Variants in KCND1 observed in about 807,000 individuals in gnomAD.
The protein encoded by KCND1 is A-type voltage-gated potassium channel KCND1.
In KCND1, 11 loss-of-function variants were observed where a neutral mutation model predicts 31.8. The ratio of observed to expected loss-of-function variants is 0.35; its 90% CI spans 0.22 to 0.57. The LOEUF (loss-of-function observed/expected upper bound fraction) is 0.57. Ranked by LOEUF, KCND1 falls within the 20% of genes least tolerant of loss-of-function variation. The pLI, the probability that KCND1 is intolerant of heterozygous loss-of-function variation, is 0.85. For missense variants in KCND1, 471 were observed against 596.8 expected (o/e 0.79, Z 2.20); for synonymous variants, 234 against 248.1 (o/e 0.94, Z 0.53).
intron 4 of KCND1, 41 bp downstream of exon 4, chrX:48,966,537 A>AC (rs2064354437): frequency 4.4e-6 from 5 of 1,124,511 alleles, no homozygotes; most frequent in Non-Finnish European, 4.9e-6. Flanking sequence ...CCGCAGAGGG[A>AC]CCCCCTCTAT....
At chrX:48,964,568 C>T (rs1226519781) in intron 5 of KCND1, among the ~76,000 whole-genome samples, 1 of 108,417 alleles carries the variant, frequency 9.2e-6, no homozygotes, top group East Asian at 2.9e-4. Flanking sequence ...ATATAAAAAA[C>T]TAGCTGGGTA....
chrX:48,966,361 C>T (rs1891341906), intron 4 of KCND1, 56 bp from the exon 5 acceptor site: 1 of 1,145,242 alleles, frequency 8.7e-7, no homozygotes, highest in African/African-American at 1.8e-5. Context: ...TGATCCCACC[C>T]TCAAGCCTTT....
intron 5 of KCND1, among the ~76,000 whole-genome samples, chrX:48,965,284 C>G (rs964840304): frequency 9.0e-6 from 1 of 110,811 alleles, no homozygotes; most frequent in African/African-American, 3.3e-5. Context: ...GAACTCCTGA[C>G]CTGTTATCCA....
chrX:48,962,542 A>C lies in KCND1; in HGVS notation c.*39T>G. ...AATATGGCTTTGGAAAGGAGTTCCC[A>C]AAAATGAAGAGGACCCTCTGAATCA... On this transcript the variant is annotated 3_prime_UTR_variant, in exon 6 of 6. Transcript: ENST00000218176. 9.2e-7 allele frequency: 1 copy of C among 1,081,492 alleles called. No individual in the cohort carries two copies. Among genetic ancestry groups the C allele is most frequent in the South Asian group, 2.1e-5 (1 of 48,423 alleles). The allele number at this position is 1,081,492 out of a possible 1,213,427, so 89.1% of individuals were successfully genotyped here.
chrX:48,966,148 A>G lies in KCND1; in HGVS notation c.1625T>C (p.Ile542Thr), dbSNP rs1557057942. 8.3e-7 allele frequency: 1 copy of G among 1,210,500 alleles called. No individual in the cohort carries two copies. Among genetic ancestry groups the G allele is most frequent in the Non-Finnish European group, 1.1e-6 (1 of 895,397 alleles). Reference protein sequence around the residue: ...CCPRRAKRRAIRLANSTASVS... With the variant: ...CCPRRAKRRATRLANSTASVS... ...TGAGGCAGTGGAGTTGGCAAGGCGG[A>G]TGGCGCGGCGCTTGGCCCTGCGAGG... Residue 542 changes from isoleucine (I) to threonine (T), a missense_variant, in exon 5 of 6, where the codon ATC (isoleucine) becomes ACC (threonine). By Grantham distance (89) the Ile-to-Thr change is moderately conservative. This residue lies in a region of KCND1 where 185 missense variants were observed against 184.7 expected (regional missense o/e 1.00). Transcript: ENST00000218176.
Position 48,967,102 on chromosome X carries a change from C to T in KCND1, c.1126G>A (p.Gly376Arg). ...TIVTMTTLGY[G>R]DMVPSTIAGK... ...GCAATGGTGCTGGGCACCATGTCTC[C>T]GTAGCTGGAGCGAGGGGAGGTAGGC... The change falls in exon 2 of 6, where the codon GGA becomes AGA. Residue 376 changes from glycine (G) to arginine (R), a missense_variant. Transcript: ENST00000218176. 4 of 1,209,536 alleles carry T rather than the reference C, an allele frequency of 3.3e-6. No homozygotes were observed. The highest frequency in any genetic ancestry group is 1.8e-5 in the South Asian group (1 of 56,900).
At position 48,964,886 on chromosome X, in the gene KCND1, G is replaced by A. The variant is rs1295900458; in HGVS notation, c.1718+1169C>T. ...AAAATACAAAAATTAGCCGGGTATGGTGGCACGTGCCTGTAGTCCCAGCTA... is the reference window on the plus strand; with the variant it reads ...AAAATACAAAAATTAGCCGGGTATGATGGCACGTGCCTGTAGTCCCAGCTA... On this transcript the variant is annotated intron_variant, in intron 5 of 5. Transcript: ENST00000218176. 6.7e-5 allele frequency among the ~76,000 whole-genome samples: 7 copies of A among 104,707 alleles called. No homozygotes were observed. In the Admixed American group the frequency reaches 7.1e-4, roughly 11 times the overall value. The allele number at this position is 104,707 out of a possible 115,157, so 90.9% of individuals were successfully genotyped here.
chrX:48,970,102 G>A lies in KCND1; in HGVS notation c.170C>T (p.Thr57Met), dbSNP rs782156359. Residue 57 changes from threonine (T) to methionine (M), a missense_variant, in exon 1 of 6, where the codon ACG becomes ATG. Physicochemically the swap from Thr to Met is moderately conservative, Grantham distance 81. Transcript: ENST00000218176. Reference protein sequence around the residue: ...SGRRFETWKNTLDRYPDTLLG... With the variant: ...SGRRFETWKNMLDRYPDTLLG... The stretch of plus-strand genomic sequence containing the variant: ...CAAGGTGTCTGGGTAGCGGTCCAGC[G>A]TATTCTTCCAAGTCTCAAAGCGCCG... 9.9e-6 allele frequency: 12 copies of A among 1,209,176 alleles called. No individual in the cohort carries two copies. The highest frequency in any genetic ancestry group is 7.0e-5 in the African/African-American group (4 of 57,308).
rs1001954752 is a variant in KCND1 at position 48,970,450 on chromosome X, G to T, written c.-179C>A. 5.5e-5 allele frequency: 24 copies of T among 440,311 alleles called. No individual in the cohort carries two copies. The South Asian group carries it at 9.2e-4, about 17-fold the overall frequency. The allele number at this position is 440,311 out of a possible 1,213,427, so 36.3% of individuals were successfully genotyped here. ...ACTAAAGAGATGGGAAGGAGTCTGG[G>T]GGACATTTACAGAACCTAGGAGGGG... is the stretch of plus-strand genomic sequence containing the variant. On this transcript the variant is annotated 5_prime_UTR_variant, in exon 1 of 6. Coordinates refer to ENST00000218176, the MANE Select transcript of KCND1 (RefSeq NM_004979.6).
In KCND1 at chrX:48,966,180, A is replaced by G. The variant is rs1249843634; in HGVS notation, c.1593T>C (p.Ser531=). Residue 531 remains serine, a synonymous_variant, in exon 5 of 6, where the codon TCT becomes TCC. Coordinates refer to ENST00000218176, the MANE Select transcript of KCND1 (RefSeq NM_004979.6). ...QPVGPGSLLS[S]CCPRRAKRRA... ...GGCGCTTGGCCCTGCGAGGGCAGCA[A>G]GAAGACAGCAGGCTTCCGGGTCCCA... 1.7e-6 allele frequency: 2 copies of G among 1,209,314 alleles called. No homozygotes were observed. The highest frequency in any genetic ancestry group is 3.5e-5 in the African/African-American group (2 of 57,571).
chrX:48,969,589 G>A lies in KCND1; in HGVS notation c.683C>T (p.Pro228Leu). The A allele has an allele frequency of 1.7e-6, 2 of 1,210,575 alleles. No individual in the cohort carries two copies. The highest frequency in any genetic ancestry group is 2.2e-6 in the Non-Finnish European group (2 of 894,836). Residue 228 changes from proline (P) to leucine (L), a missense_variant, in exon 1 of 6, where the codon CCA becomes CTA. By Grantham distance (98) the Pro-to-Leu change is moderately conservative (BLOSUM62 -3). Around this residue, in one of 3 missense-constraint regions of KCND1, gnomAD observed 212 missense variants for 257.9 expected, o/e 0.82. Coordinates refer to ENST00000218176, the MANE Select transcript of KCND1 (RefSeq NM_004979.6). ...SREQPCGERF[P>L]QAFFCMDTAC... The stretch of plus-strand genomic sequence containing the variant: ...TGTGTCCATGCAGAAAAAGGCCTGT[G>A]GGAAGCGTTCGCCACAGGGCTGCTC...
chrX:48,962,233 G>A lies in KCND1; in HGVS notation c.*348C>T. The A allele has an allele frequency of 9.9e-6, 2 of 202,427 alleles. No homozygotes were observed. The highest frequency in any genetic ancestry group is 9.6e-5 in the East Asian group (1 of 10,389). The allele number at this position is 202,427 out of a possible 1,213,427, so 16.7% of individuals were successfully genotyped here. ...CTCCTTCTTAGGCTAGAGCTCAGAT[G>A]TCGGATCAAAGCTTTGCCTTCATCT... On this transcript the variant is annotated 3_prime_UTR_variant, in exon 6 of 6. Coordinates refer to ENST00000218176, the MANE Select transcript of KCND1 (RefSeq NM_004979.6).
At position 48,966,974 on chromosome X, in the gene KCND1, G is replaced by A; in HGVS notation, c.1254C>T (p.Asn418=). Residue 418 remains asparagine (N), a synonymous_variant, in exon 2 of 6, where the codon AAC becomes AAT. Transcript: ENST00000218176. The stretch of plus-strand genomic sequence containing the variant: ...GTGCTCGGCGCTTGTCAGCCCGCTG[G>A]TTCTGGTGGTAGATGCGGCTAAAGT... ...VSNFSRIYHQ[N]QRADKRRAQQ... 1 of 1,210,863 alleles carries A rather than the reference G, an allele frequency of 8.3e-7. No homozygotes were observed. The highest frequency in any genetic ancestry group is 1.1e-6 in the Non-Finnish European group (1 of 895,260).
rs781962832 is a variant in KCND1 at position 48,970,013 on chromosome X, C to T, written c.259G>A (p.Asp87Asn). 13 of 1,210,075 alleles carry T rather than the reference C, an allele frequency of 1.1e-5. No homozygotes were observed. In the Admixed American group the frequency reaches 1.5e-4, roughly 14 times the overall value. Residue 87 changes from aspartate (D) to asparagine (N), a missense_variant, in exon 1 of 6, where the codon GAC (aspartate) becomes AAC (asparagine). Physicochemically the swap from Asp to Asn is conservative, Grantham distance 23 (BLOSUM62 1). Transcript: ENST00000218176. ...ADSGEYFFDR[D>N]PDMFRHVLNF... The stretch of plus-strand genomic sequence containing the variant: ...AGCACATGGCGGAACATGTCAGGGT[C>T]GCGATCGAAGAAGTACTCGCCTGAG...
Position 48,966,649 on chromosome X carries a change from G to A in KCND1, c.1396C>T (p.Leu466Phe). 1 of 1,210,017 alleles carries A rather than the reference G, an allele frequency of 8.3e-7. No homozygotes were observed. The highest frequency in any genetic ancestry group is 1.8e-5 in the South Asian group (1 of 56,680). The change falls in exon 4 of 6, where the codon CTT (leucine) becomes TTT (phenylalanine). Residue 466 changes from leucine to phenylalanine, a missense_variant. Physicochemically the swap from Leu to Phe is conservative, Grantham distance 22. This residue lies in a region of KCND1 where 185 missense variants were observed against 184.7 expected (regional missense o/e 1.00). Coordinates refer to ENST00000218176, the MANE Select transcript of KCND1 (RefSeq NM_004979.6). ...EDSGSGEEQALCVRNRSAFEQ... is the reference protein window; with the variant it reads ...EDSGSGEEQAFCVRNRSAFEQ... ...AAGGCAGAACGGTTCCTGACACAAAGAGCCTGTTCCTCGCCACTGCCGCTG... is the reference window on the plus strand; with the variant it reads ...AAGGCAGAACGGTTCCTGACACAAAAAGCCTGTTCCTCGCCACTGCCGCTG...
rs782146641 is a variant in KCND1, at chrX:48,970,234, C to T, written c.38G>A (p.Arg13Gln). ...GGGCAGCCAGCCCACTGCTGCTGCC[C>T]GAGCAAAAGGCAGCCACGTGGCCAG... The part of the protein sequence containing the change: ...AGLATWLPFA[R>Q]AAAVGWLPLA... Residue 13 changes from arginine to glutamine, a missense_variant, in exon 1 of 6, where the codon CGG becomes CAG. Physicochemically the swap from Arg to Gln is conservative, Grantham distance 43. Transcript: ENST00000218176. 5.0e-6 allele frequency: 6 copies of T among 1,202,920 alleles called. No homozygotes were observed. Among genetic ancestry groups the T allele is most frequent in the Admixed American group, 2.2e-5 (1 of 44,665 alleles).
At position 48,970,056 on chromosome X, in the gene KCND1, T is replaced by C; in HGVS notation, c.216A>G (p.Glu72=). The change falls in exon 1 of 6, where the codon GAA becomes GAG. Residue 72 remains glutamate (E), a synonymous_variant. Transcript: ENST00000218176. ...CGCCTGAGTCAGCATCGTAGAAGAA[T>C]TCCTTCTCCGAGCTGCCCAGCAAGG... ...PDTLLGSSEK[E]FFYDADSGEY... is the part of the protein sequence containing the mutation. 1 of 1,210,109 alleles carries C rather than the reference T, an allele frequency of 8.3e-7. No individual in the cohort carries two copies. The highest frequency in any genetic ancestry group is 1.1e-6 in the Non-Finnish European group (1 of 894,340).
Position 48,969,489 on chromosome X carries a change from C to T in KCND1, c.783G>A (p.Arg261=). 8.3e-7 allele frequency: 1 copy of T among 1,211,520 alleles called. No homozygotes were observed. The highest frequency in any genetic ancestry group is 1.1e-6 in the Non-Finnish European group (1 of 895,293). Residue 261 remains arginine (R), a synonymous_variant, in exon 1 of 6, where the codon CGG becomes CGA. Transcript: ENST00000218176. ...FAAPSRCRFL[R]SVMSLIDVVA... is the part of the protein sequence containing the mutation. ...CCACGTCGATGAGGCTCATGACACTCCGCAGGAAGCGGCAACGGCTGGGGG... is the reference window on the plus strand; with the variant it reads ...CCACGTCGATGAGGCTCATGACACTTCGCAGGAAGCGGCAACGGCTGGGGG...
intron 5 of KCND1, among the ~76,000 whole-genome samples, chrX:48,964,170 G>A (rs1447695836): frequency 2.7e-5 from 3 of 111,797 alleles, no homozygotes; most frequent in African/African-American, 9.8e-5. Context: ...CCACCTGAAG[G>A]TCAGGAGTTT....
Sources: allele counts gnomAD v4.1 joint callset (sites outside exome capture counted in the v4.1 genomes callset), GRCh38; gene constraint gnomAD v4.1.1; regional missense constraint gnomAD v4.1.1; transcripts MANE v1.5; gene names NCBI Gene and HGNC (gene_info 2026-07-23, HGNC 2026-07-21).